Variants in GLYATL3 observed in about 807,000 individuals in gnomAD.
The protein encoded by GLYATL3 is glycine-N-acyltransferase like 3.
GLYATL3 carries 31 observed loss-of-function variants against 28.5 expected under a neutral mutation model. That is an observed-to-expected ratio of 1.09 (90% CI 0.82 to 1.47). The LOEUF (loss-of-function observed/expected upper bound fraction) is 1.47, where lower values mean the gene tolerates loss of function less well. Ranked by LOEUF, GLYATL3 falls within the 40% of genes most tolerant of loss-of-function variation. The pLI is 0.00. For synonymous variants in GLYATL3, 141 were observed against 140.2 expected (o/e 1.01, Z -0.04); for missense variants, 369 against 351.5 (o/e 1.05, Z -0.40).
chr6:49,526,745 C>T lies in GLYATL3; in HGVS notation c.698C>T (p.Thr233Met), dbSNP rs1212566752. ...RKGYSRLVAL[T>M]LARKLQSRGF... Reference sequence around the variant, plus strand: ...GGTTACAGCCGGCTGGTGGCCCTCACGCTGGCCAGGAAGTTGCAAAGCCGG... The same window carrying T: ...GGTTACAGCCGGCTGGTGGCCCTCATGCTGGCCAGGAAGTTGCAAAGCCGG... The change falls in exon 6 of 6, where the codon ACG becomes ATG. Residue 233 changes from threonine (T) to methionine (M), a missense_variant. By Grantham distance (81) the Thr-to-Met change is moderately conservative. Coordinates refer to ENST00000371197, the MANE Select transcript of GLYATL3 (RefSeq NM_001010904.2). 9 of 1,551,618 alleles carry T rather than the reference C, an allele frequency of 5.8e-6. No individual in the cohort carries two copies. Among genetic ancestry groups the T allele is most frequent in the East Asian group, 2.4e-5 (1 of 40,912 alleles).
At chr6:49,506,877 G>T (rs1190834384) in intron 1 of GLYATL3, among the ~76,000 whole-genome samples, 1 of 152,096 alleles carries the variant, frequency 6.6e-6, no homozygotes, top group African/African-American at 2.4e-5. Context: ...TGGACTGGGG[G>T]AAAACAGGAT....
intron 4 of GLYATL3, among the ~76,000 whole-genome samples, chr6:49,519,782 A>T (rs996335004): frequency 1.4e-4 from 22 of 152,226 alleles, no homozygotes; most frequent in African/African-American, 5.1e-4. Context: ...ATATTAAATC[A>T]TGTTTAACCC....
chr6:49,525,586 A>AAAAAAAAAAAAAAAC (rs1769396555), intron 5 of GLYATL3, among the ~76,000 whole-genome samples: 1 of 133,372 alleles, frequency 7.5e-6, no homozygotes, highest in African/African-American at 2.7e-5. Context: ...AAAAAAAAAA[A>AAAAAAAAAAAAAAAC]AAAAAAAAAT....
At chr6:49,505,816 A>G (rs984498649) in intron 1 of GLYATL3, among the ~76,000 whole-genome samples, 5 of 152,188 alleles carry the variant, frequency 3.3e-5, no homozygotes, top group African/African-American at 1.2e-4. Flanking sequence ...AGGAAGAAAT[A>G]CCCATTCAAC....
chr6:49,502,267 AT>A (rs1433115187), intron 1 of GLYATL3, among the ~76,000 whole-genome samples: 2 of 152,184 alleles, frequency 1.3e-5, no homozygotes, highest in African/African-American at 4.8e-5. Flanking sequence ...AAAATTAACA[AT>A]AGTGGATCCT....
chr6:49,517,345 T>A lies in GLYATL3; in HGVS notation c.187-85T>A, dbSNP rs1457566032. The A allele has an allele frequency of 2.5e-6, 3 of 1,204,732 alleles. No homozygotes were observed. The African/African-American group carries it at 4.7e-5, about 19-fold the overall frequency. The allele number at this position is 1,204,732 out of a possible 1,614,324, so 74.6% of individuals were successfully genotyped here. A position where few individuals can be genotyped will look rare whatever the true frequency, so the allele number is the denominator to read the frequency against. On this transcript the variant is annotated intron_variant, in intron 3 of 5. Coordinates refer to ENST00000371197, the MANE Select transcript of GLYATL3 (RefSeq NM_001010904.2). ...CACCTATAAAAATTAGCTAGACATG[T>A]CCAGCTAACGGTATCTAATCTACCT...
intron 4 of GLYATL3, among the ~76,000 whole-genome samples, chr6:49,517,872 G>T (rs536065500): frequency 2.2e-4 from 34 of 152,200 alleles, no homozygotes; most frequent in South Asian, 1.2e-3. Flanking sequence ...GAGAATCAGA[G>T]AATATTTTTC....
At chr6:49,509,105 C>G (rs1027424275) in intron 1 of GLYATL3, among the ~76,000 whole-genome samples, 1 of 152,026 alleles carries the variant, frequency 6.6e-6, no homozygotes, top group African/African-American at 2.4e-5. Flanking sequence ...TCTGGGCAAA[C>G]TGAATCATGA....
chr6:49,506,059 G>A (rs1208531365), intron 1 of GLYATL3, among the ~76,000 whole-genome samples: 1 of 152,202 alleles, frequency 6.6e-6, no homozygotes, highest in South Asian at 2.1e-4. Flanking sequence ...GATGCCTATG[G>A]TTGGTCTGAG....
intron 5 of GLYATL3, among the ~76,000 whole-genome samples, chr6:49,525,326 G>T (rs2127241034): frequency 6.6e-6 from 1 of 152,052 alleles, no homozygotes; most frequent in Middle Eastern, 3.4e-3. Context: ...AACACTTTGG[G>T]AGGTCTAGGA....
At chr6:49,500,512 C>G (rs1352935516) in intron 1 of GLYATL3, among the ~76,000 whole-genome samples, 1 of 152,094 alleles carries the variant, frequency 6.6e-6, no homozygotes, top group African/African-American at 2.4e-5. Flanking sequence ...AAAAGTCTCC[C>G]AGGAGAGTGT....
intron 1 of GLYATL3, among the ~76,000 whole-genome samples, chr6:49,500,708 C>G (rs1768897741): frequency 6.6e-6 from 1 of 152,138 alleles, no homozygotes; most frequent in South Asian, 2.1e-4. Context: ...AAAGGAGTTA[C>G]CAACCTTTAA....
chr6:49,504,667 A>G (rs2127430866), intron 1 of GLYATL3, among the ~76,000 whole-genome samples: 1 of 152,200 alleles, frequency 6.6e-6, no homozygotes, highest in South Asian at 2.1e-4. Context: ...ACTTTTTTCT[A>G]CAATACCTTG....
At chr6:49,525,471 C>T (rs1256066863) in intron 5 of GLYATL3, among the ~76,000 whole-genome samples, 3 of 138,786 alleles carry the variant, frequency 2.2e-5, no homozygotes, top group East Asian at 2.2e-4. Context: ...GGCTGAGATA[C>T]GAGAATCGCT....
intron 1 of GLYATL3, among the ~76,000 whole-genome samples, chr6:49,507,415 T>C (rs1364549498): frequency 6.6e-6 from 1 of 152,126 alleles, no homozygotes; most frequent in Non-Finnish European, 1.5e-5. Flanking sequence ...TTCAATAGTC[T>C]GAAATAAAAG....
At chr6:49,508,249 T>C (rs916677650) in intron 1 of GLYATL3, among the ~76,000 whole-genome samples, 1 of 151,958 alleles carries the variant, frequency 6.6e-6, no homozygotes, top group Non-Finnish European at 1.5e-5. Context: ...TGAGCCGAGA[T>C]CGCACCACTG....
At chr6:49,506,404 A>G (rs1034541727) in intron 1 of GLYATL3, among the ~76,000 whole-genome samples, 4 of 152,258 alleles carry the variant, frequency 2.6e-5, no homozygotes, top group African/African-American at 4.8e-5. Flanking sequence ...AGGACTCTTT[A>G]TCATTCCTTG....
intron 2 of GLYATL3, among the ~76,000 whole-genome samples, chr6:49,514,424 A>G (rs1481820471): frequency 6.6e-6 from 1 of 152,356 alleles, no homozygotes; most frequent in African/African-American, 2.4e-5. Context: ...AATGGTGGTA[A>G]AAAGGATTCC....
rs188110479 is a variant in GLYATL3, at chr6:49,526,462, T to C, written c.441-26T>C. 3.0e-4 allele frequency: 468 copies of C among 1,540,278 alleles called. 1 individual carries two copies. The African/African-American group carries it at 5.3e-3, about 17-fold the overall frequency. On this transcript the variant is annotated intron_variant, in intron 5 of 5. Coordinates refer to ENST00000371197, the MANE Select transcript of GLYATL3 (RefSeq NM_001010904.2). ...ATAACCACATGAGTCTGAGGTCCTATTTGTTTTTGTGTCATTCTGGTCTAG... is the reference window on the plus strand; with the variant it reads ...ATAACCACATGAGTCTGAGGTCCTACTTGTTTTTGTGTCATTCTGGTCTAG...
Sources: allele counts gnomAD v4.1 joint callset (sites outside exome capture counted in the v4.1 genomes callset), GRCh38; gene constraint gnomAD v4.1.1; transcripts MANE v1.5; gene names NCBI Gene and HGNC (gene_info 2026-07-23, HGNC 2026-07-21).